Variants in EP400 observed in about 807,000 individuals in gnomAD.
The protein encoded by EP400 is E1A-binding protein p400.
In EP400, 105 loss-of-function variants were observed where a neutral mutation model predicts 354.1. The ratio of observed to expected loss-of-function variants is 0.30; its 90% CI spans 0.25 to 0.35. The LOEUF is 0.35. Ranked by LOEUF, EP400 falls within the 10% of genes least tolerant of loss-of-function variation. The probability of loss-of-function intolerance (pLI) is 1.00; values close to 1 mark genes in which losing one functional copy is unlikely to be tolerated. For missense variants in EP400, 3,280 were observed against 4,121.0 expected (o/e 0.80, Z 5.59); for synonymous variants, 1,646 against 1,716.9 (o/e 0.96, Z 1.02).
intron 21 of EP400, among the ~76,000 whole-genome samples, chr12:132,019,378 A>G (rs1894048643): frequency 6.6e-6 from 1 of 152,008 alleles, no homozygotes; most frequent in Non-Finnish European, 1.5e-5. Flanking sequence ...TGCCTGTTAC[A>G]TTGTATAGGG....
At chr12:132,055,298 T>G in intron 45 of EP400, 90 bp downstream of exon 45, 1 of 1,087,756 alleles carries the variant, frequency 9.2e-7, no homozygotes, top group African/African-American at 1.6e-5. Flanking sequence ...TCTTTTTAAG[T>G]ATTCCATTGG....
Position 132,025,900 on chromosome 12 carries a change from C to A in EP400, c.5014+96C>A. The A allele has an allele frequency of 7.3e-7, 1 of 1,371,106 alleles. No homozygotes were observed. The highest frequency in any genetic ancestry group is 9.6e-7 in the Non-Finnish European group (1 of 1,038,442). 84.9% of individuals were successfully genotyped at this position (1,371,106 alleles called of 1,614,324 possible). ...AGCATTCATGTGTCTTTGACTGTAT[C>A]TCAGAACAGCACAGTCTAGTGTGTG... On this transcript the variant is annotated intron_variant, in intron 25 of 52. Transcript: ENST00000389561. The surrounding 1 kb of genome is among the most constrained non-coding windows in gnomAD (Gnocchi z 4.1).
rs1892715704 is a variant in EP400 at position 131,982,484 on chromosome 12, A to G, written c.1929+6A>G. 6.3e-7 allele frequency: 1 copy of G among 1,587,944 alleles called. No individual in the cohort carries two copies. The highest frequency in any genetic ancestry group is 8.6e-7 in the Non-Finnish European group (1 of 1,164,242). The stretch of plus-strand genomic sequence containing the variant: ...AGCTTTCCTCCCTGCCACAGGTATG[A>G]GAAAAGATAGAGGAAAAAAAGAAAA... On this transcript the variant is annotated splice_donor_region_variant and intron_variant, in intron 5 of 52. Coordinates refer to ENST00000389561, the MANE Select transcript of EP400 (RefSeq NM_015409.5).
intron 43 of EP400, 90 bp downstream of exon 43, chr12:132,053,687 T>C: frequency 1.5e-6 from 2 of 1,355,036 alleles, no homozygotes; most frequent in East Asian, 2.7e-5. Context: ...AAACGAAGAC[T>C]TGTTGCCAGT....
Position 132,069,491 on chromosome 12 carries a change from C to G in EP400, c.8875-4C>G, listed in dbSNP as rs200308934. The G allele has an allele frequency of 4.8e-5, 78 of 1,613,944 alleles. No individual in the cohort carries two copies. Among genetic ancestry groups the G allele is most frequent in the Admixed American group, 8.3e-5 (5 of 60,018 alleles). On this transcript the variant is annotated splice_region_variant and splice_polypyrimidine_tract_variant and intron_variant, in intron 50 of 52. Transcript: ENST00000389561. Reference sequence around the variant, plus strand: ...GCGGCCCTAATTTCGCAGTCTCTCCCCAGATCACCGCACAGCAGATCACCA... The same window carrying G: ...GCGGCCCTAATTTCGCAGTCTCTCCGCAGATCACCGCACAGCAGATCACCA...
At chr12:132,022,570 G>A (rs1298993181) in intron 23 of EP400, among the ~76,000 whole-genome samples, 1 of 152,116 alleles carries the variant, frequency 6.6e-6, no homozygotes, top group South Asian at 2.1e-4. Flanking sequence ...AGTTGTAGCC[G>A]GAAGGTAGTA....
At chr12:131,952,861 T>A (rs899226669) in intron 1 of EP400, among the ~76,000 whole-genome samples, 2 of 152,224 alleles carry the variant, frequency 1.3e-5, no homozygotes, top group Non-Finnish European at 2.9e-5. Context: ...TCCATCTTTT[T>A]TTTTAATAAG....
intron 15 of EP400, 106 bp from the exon 16 acceptor site, chr12:132,011,392 T>C: frequency 7.2e-7 from 1 of 1,387,752 alleles, no homozygotes; most frequent in Non-Finnish European, 9.8e-7. Context: ...CGATGGCTCA[T>C]GTGACACATA....
Position 132,077,392 on chromosome 12 carries a change from T to C in EP400, c.9100-9T>C. 6.2e-7 allele frequency: 1 copy of C among 1,604,996 alleles called. No homozygotes were observed. Among genetic ancestry groups the C allele is most frequent in the Non-Finnish European group, 8.5e-7 (1 of 1,174,652 alleles). ...GGGCAATGTGTGTTTTCTGACTCTC[T>C]CGGCTCAGGCTTCTCCACAGACTGT... On this transcript the variant is annotated splice_polypyrimidine_tract_variant and intron_variant, in intron 52 of 52. Transcript: ENST00000389561.
At chr12:131,989,584 G>A (rs927676403) in intron 7 of EP400, among the ~76,000 whole-genome samples, 3 of 152,154 alleles carry the variant, frequency 2.0e-5, no homozygotes, top group Admixed American at 6.5e-5. Context: ...GTGAATTATC[G>A]CAGCCCAATA....
chr12:132,001,985 G>T (rs1364666097), intron 12 of EP400, among the ~76,000 whole-genome samples: 1 of 152,046 alleles, frequency 6.6e-6, no homozygotes, highest in East Asian at 1.9e-4. Context: ...TCGTGCCCTC[G>T]GTCTCTTGCC....
rs878864752 is a variant in EP400 at position 131,991,576 on chromosome 12, C to CTT, written c.2679+135_2679+136dup. 9.9e-3 allele frequency: 5,833 copies of CTT among 589,238 alleles called. 18 individuals carry two copies. Among genetic ancestry groups the CTT allele is most frequent in the African/African-American group, 0.031 (1,447 of 46,386 alleles). 36.5% of individuals were successfully genotyped at this position (589,238 alleles called of 1,614,324 possible). ...CTGTGACTATTACTTCCTTTCTTTT[C>CTT]TTTTTTTTTTTTTTTTGTTTTAGAG... On this transcript the variant is annotated intron_variant, in intron 10 of 52. Transcript: ENST00000389561.
intron 12 of EP400, among the ~76,000 whole-genome samples, chr12:132,000,324 T>C (rs963003582): frequency 1.3e-5 from 2 of 152,202 alleles, no homozygotes; most frequent in Non-Finnish European, 2.9e-5. Context: ...TGCATTTTGA[T>C]CAGACAGAAG....
intron 30 of EP400, among the ~76,000 whole-genome samples, chr12:132,036,684 G>C (rs1593364466): frequency 6.6e-6 from 1 of 152,376 alleles, no homozygotes; most frequent in East Asian, 1.9e-4. Context: ...AGGGTGATTG[G>C]AATCCAGGCG....
chr12:132,076,063 GC>G (rs1231251802), intron 51 of EP400: 2 of 215,486 alleles, frequency 9.3e-6, no homozygotes, highest in Non-Finnish European at 1.9e-5. Flanking sequence ...AAAATTACCA[GC>G]CTCAAAACCT....
intron 6 of EP400, 60 bp from the exon 7 acceptor site, chr12:131,987,645 G>A: frequency 6.9e-7 from 1 of 1,458,288 alleles, no homozygotes; most frequent in African/African-American, 1.4e-5. Context: ...TCTGGGGTCT[G>A]AGTTGGTGGA....
rs750565876 is a variant in EP400 at position 132,029,919 on chromosome 12, G to A, written c.5584+16G>A. 6.2e-7 allele frequency: 1 copy of A among 1,611,524 alleles called. No individual in the cohort carries two copies. The highest frequency in any genetic ancestry group is 2.2e-5 in the East Asian group (1 of 44,858). On this transcript the variant is annotated intron_variant, in intron 28 of 52. Coordinates refer to ENST00000389561, the MANE Select transcript of EP400 (RefSeq NM_015409.5). The surrounding 1 kb of genome is among the most constrained non-coding windows in gnomAD (Gnocchi z 4.7). ...TTCGACTCAGGTATGCGGCAGTTGG[G>A]GGCGTGGCCCGTGCGGGAGCTGCAC... is the stretch of plus-strand genomic sequence containing the variant.
intron 41 of EP400, 135 bp from the exon 42 acceptor site, chr12:132,053,011 G>C (rs1432071457): frequency 2.3e-6 from 2 of 860,596 alleles, no homozygotes; most frequent in Non-Finnish European, 3.8e-6. Flanking sequence ...GGCACATTGG[G>C]CACCTTGCTT....
chr12:132,031,831 A>T, intron 29 of EP400, 122 bp from the exon 30 acceptor site: 1 of 959,276 alleles, frequency 1.0e-6, no homozygotes, highest in Non-Finnish European at 1.6e-6. Context: ...CTGGGATTAC[A>T]GGTGTGAGCC....
Sources: allele counts gnomAD v4.1 joint callset (sites outside exome capture counted in the v4.1 genomes callset), GRCh38; gene constraint gnomAD v4.1.1; non-coding constraint Gnocchi (gnomAD v3.1); transcripts MANE v1.5; gene names NCBI Gene and HGNC (gene_info 2026-07-23, HGNC 2026-07-21).